The following OCA2 variants were observed in gnomAD, a reference collection of about 807,000 sequenced individuals.
OCA2 encodes the protein OCA2 melanosomal transmembrane protein, also known as P protein.
In OCA2, 77 loss-of-function variants were observed where a neutral mutation model predicts 100.2. The observed-to-expected ratio is 0.77, with a 90% CI of 0.64 to 0.93. The LOEUF is 0.93. OCA2 is among the 40% of genes least tolerant of loss of function. OCA2 has a pLI of 0.00. For missense variants in OCA2, 1,062 were observed against 1,089.1 expected (o/e 0.98, Z 0.35); for synonymous variants, 432 against 439.2 (o/e 0.98, Z 0.21).
At chr15:27,837,903 A>G (rs996811675) in intron 23 of OCA2, among the ~76,000 whole-genome samples, 1 of 151,970 alleles carries the variant, frequency 6.6e-6, no homozygotes, top group Non-Finnish European at 1.5e-5. Context: ...AAAAAAAGAA[A>G]AAAAGCTGTT....
Position 27,998,700 on chromosome 15 carries a change from T to G in OCA2, c.1045-8053A>C, listed in dbSNP as rs1291770998. Reference sequence around the variant, plus strand: ...TTGACCCAGCCATCCCATTACTGGGTATATACCCAAAGGACTATAAATCAT... The same window carrying G: ...TTGACCCAGCCATCCCATTACTGGGGATATACCCAAAGGACTATAAATCAT... On this transcript the variant is annotated intron_variant, in intron 9 of 23. Coordinates refer to ENST00000354638, the MANE Select transcript of OCA2 (RefSeq NM_000275.3). Among the ~76,000 whole-genome samples, 649 of 141,918 alleles carry G rather than the reference T, an allele frequency of 4.6e-3. 2 individuals are homozygous for G. The highest frequency in any genetic ancestry group is 6.9e-3 in the Non-Finnish European group (448 of 64,822). The allele number at this position is 141,918 out of a possible 152,430, so 93.1% of individuals were successfully genotyped here.
intron 1 of OCA2, among the ~76,000 whole-genome samples, chr15:28,085,272 C>T (rs2044758784): frequency 6.6e-6 from 1 of 152,164 alleles, no homozygotes; most frequent in Non-Finnish European, 1.5e-5. Flanking sequence ...TTCCCCCTTT[C>T]ACTCCCAGCT....
chr15:27,902,246 A>G (rs1595608481), intron 19 of OCA2, among the ~76,000 whole-genome samples: 1 of 151,616 alleles, frequency 6.6e-6, no homozygotes, highest in African/African-American at 2.4e-5. Context: ...GCAAAGAAGG[A>G]CTTCTGGGGA....
chr15:27,843,106 G>A lies in OCA2; in HGVS notation c.2432+1853C>T, dbSNP rs528183060. Among the ~76,000 whole-genome samples the A allele has an allele frequency of 7.2e-5, 11 of 152,274 alleles. No homozygotes were observed. In the South Asian group the frequency reaches 1.7e-3, roughly 23 times the overall value. Reference sequence around the variant, plus strand: ...ATGCCTACTTGTGAGACCAACTGGTGTTGCAAAAAGCCATGCTTTTTGCTC... The same window carrying A: ...ATGCCTACTTGTGAGACCAACTGGTATTGCAAAAAGCCATGCTTTTTGCTC... On this transcript the variant is annotated intron_variant, in intron 23 of 23. Transcript: ENST00000354638.
intron 18 of OCA2, among the ~76,000 whole-genome samples, chr15:27,936,542 C>T (rs2039458789): frequency 6.6e-6 from 1 of 152,184 alleles, no homozygotes; most frequent in Non-Finnish European, 1.5e-5. Flanking sequence ...TCAGCCTGAA[C>T]TGTTTGTTCA....
At chr15:27,824,441 T>C (rs2034622513) in intron 23 of OCA2, among the ~76,000 whole-genome samples, 1 of 151,380 alleles carries the variant, frequency 6.6e-6, no homozygotes, top group South Asian at 2.1e-4. Context: ...AAATAAGAGA[T>C]AATGATCAAG....
chr15:27,775,111 T>TC (rs1436803344), intron 23 of OCA2, among the ~76,000 whole-genome samples: 5 of 151,046 alleles, frequency 3.3e-5, no homozygotes, highest in Admixed American at 1.3e-4. Context: ...TGTCTGTGTG[T>TC]TTGTTAATAA....
At chr15:27,838,260 GA>G (rs2035227136) in intron 23 of OCA2, among the ~76,000 whole-genome samples, 1 of 152,104 alleles carries the variant, frequency 6.6e-6, no homozygotes, top group Non-Finnish European at 1.5e-5. Context: ...AGACTAAAAT[GA>G]AAAGCCAAAG....
At chr15:28,058,788 A>G (rs1018927452) in intron 2 of OCA2, among the ~76,000 whole-genome samples, 1 of 152,230 alleles carries the variant, frequency 6.6e-6, no homozygotes, top group Non-Finnish European at 1.5e-5. Context: ...CCTTGCAGGC[A>G]AGTGGGACTA....
intron 6 of OCA2, 128 bp from the exon 7 acceptor site, chr15:28,018,685 G>C: frequency 2.4e-6 from 2 of 840,800 alleles, no homozygotes; most frequent in Non-Finnish European, 1.9e-6. Flanking sequence ...CCACGCCCTT[G>C]GCCATTAACA....
chr15:28,084,794 C>T lies in OCA2; in HGVS notation c.-21-2899G>A, dbSNP rs531185851. On this transcript the variant is annotated intron_variant, in intron 1 of 23. Transcript: ENST00000354638. ...TTGTTACAGGAGGCCCCCTCAGAGG[C>T]CCCCTTCACCCCAACAGGCTCCTGC... is the stretch of plus-strand genomic sequence containing the variant. Among the ~76,000 whole-genome samples, 36 of 152,332 alleles carry T rather than the reference C, an allele frequency of 2.4e-4. No individual in the cohort carries two copies. In the South Asian group the frequency reaches 6.2e-3, roughly 26 times the overall value.
intron 19 of OCA2, among the ~76,000 whole-genome samples, chr15:27,884,324 G>A (rs574595323): frequency 3.2e-4 from 48 of 152,300 alleles, no homozygotes; most frequent in Admixed American, 5.2e-4. Flanking sequence ...GCAGTGAACC[G>A]AAATCGCACC....
At chr15:27,989,580 C>G in intron 11 of OCA2, 21 bp downstream of exon 11, 20 of 1,611,262 alleles carry the variant, frequency 1.2e-5, no homozygotes, top group Non-Finnish European at 1.7e-5. Context: ...AGCCCAGTCC[C>G]ACGGGGAGAG....
At chr15:27,961,775 T>C (rs1176031362) in intron 15 of OCA2, among the ~76,000 whole-genome samples, 2 of 151,612 alleles carry the variant, frequency 1.3e-5, no homozygotes, top group Non-Finnish European at 2.9e-5. Context: ...AGGGAGGGGA[T>C]CATCACACAC....
At chr15:27,902,822 G>A (rs1018573773) in intron 19 of OCA2, among the ~76,000 whole-genome samples, 3 of 152,194 alleles carry the variant, frequency 2.0e-5, no homozygotes. Context: ...TTGGGGAGGC[G>A]GGCAGGCGCA....
chr15:27,819,195 G>A (rs2034415150), intron 23 of OCA2, among the ~76,000 whole-genome samples: 1 of 152,352 alleles, frequency 6.6e-6, no homozygotes, highest in South Asian at 2.1e-4. Flanking sequence ...ACACCCAAGA[G>A]AAGGTGCTCA....
Position 27,947,265 on chromosome 15 carries a change from G to A in OCA2, c.1951+4519C>T, listed in dbSNP as rs139191153. Among the ~76,000 whole-genome samples, 227 of 152,360 alleles carry A rather than the reference G, an allele frequency of 1.5e-3. 1 individual carries two copies. The highest frequency in any genetic ancestry group is 5.0e-3 in the African/African-American group (209 of 41,598). ...AGGGGAAAGCTCTCCCTTGGCCCCTGTGAAACCCATCTGGCACTAAGGGTC... is the reference window on the plus strand; with the variant it reads ...AGGGGAAAGCTCTCCCTTGGCCCCTATGAAACCCATCTGGCACTAAGGGTC... On this transcript the variant is annotated intron_variant, in intron 18 of 23. Transcript: ENST00000354638.
chr15:27,867,800 T>C (rs986006722), intron 21 of OCA2, among the ~76,000 whole-genome samples: 1 of 152,244 alleles, frequency 6.6e-6, no homozygotes, highest in Non-Finnish European at 1.5e-5. Context: ...TATATATGTA[T>C]GTTAACTGCT....
At chr15:27,924,933 C>T (rs1449884660) in intron 19 of OCA2, among the ~76,000 whole-genome samples, 1 of 152,020 alleles carries the variant, frequency 6.6e-6, no homozygotes, top group South Asian at 2.1e-4. Context: ...CAAAAGTGGG[C>T]TGAAGTGGCT....
Sources: allele counts gnomAD v4.1 joint callset (sites outside exome capture counted in the v4.1 genomes callset), GRCh38; gene constraint gnomAD v4.1.1; transcripts MANE v1.5; gene names NCBI Gene and HGNC (gene_info 2026-07-23, HGNC 2026-07-21).